The following TMEM132B variants were observed in gnomAD, a reference collection of about 807,000 sequenced individuals.
TMEM132B encodes the protein transmembrane protein 132B.
In TMEM132B, 18 loss-of-function variants were observed where a neutral mutation model predicts 90.8. That is an observed-to-expected ratio of 0.20 (90% CI 0.14 to 0.29). TMEM132B has a LOEUF of 0.29. Ranked by LOEUF, TMEM132B falls within the 10% of genes least tolerant of loss-of-function variation. The probability of loss-of-function intolerance (pLI) is 1.00; values close to 1 mark genes in which losing one functional copy is unlikely to be tolerated. For missense variants in TMEM132B, 1,096 were observed against 1,326.8 expected (o/e 0.83, Z 2.70); for synonymous variants, 504 against 523.3 (o/e 0.96, Z 0.50).
intron 2 of TMEM132B, among the ~76,000 whole-genome samples, chr12:125,356,483 G>A (rs1335599407): frequency 6.6e-6 from 1 of 152,174 alleles, no homozygotes; most frequent in Non-Finnish European, 1.5e-5. Context: ...AACCACGATT[G>A]ATTCTCCCTA....
At chr12:125,642,948 C>T (rs761130869) in intron 5 of TMEM132B, among the ~76,000 whole-genome samples, 132 of 151,588 alleles carry the variant, frequency 8.7e-4, no homozygotes, top group African/African-American at 3.0e-3. Flanking sequence ...TTTTTTTTGG[C>T]GGGGTGGGTG....
chr12:125,192,281 C>T (rs1872812350), intron 1 of TMEM132B, among the ~76,000 whole-genome samples: 1 of 152,154 alleles, frequency 6.6e-6, no homozygotes, highest in Non-Finnish European at 1.5e-5. Context: ...TGATGGGGTG[C>T]AAGTGTGAAC....
intron 2 of TMEM132B, among the ~76,000 whole-genome samples, chr12:125,360,886 T>C (rs1877936912): frequency 6.6e-6 from 1 of 152,000 alleles, no homozygotes; most frequent in Non-Finnish European, 1.5e-5. Flanking sequence ...GGGTGAAATC[T>C]CAACTCCCCT....
At position 125,490,999 on chromosome 12, in the gene TMEM132B, C is replaced by T. The variant is rs1339494419; in HGVS notation, c.1107-28440C>T. ...AAAGACTGAGGCCTCCTGACAATAG[C>T]CATATGGGTGTGCCATCTTGGAAGT... On this transcript the variant is annotated intron_variant, in intron 3 of 8. Transcript: ENST00000682704. The surrounding 1 kb of genome is among the most constrained non-coding windows in gnomAD (Gnocchi z 4.2). 1.3e-5 allele frequency among the ~76,000 whole-genome samples: 2 copies of T among 152,098 alleles called. No homozygotes were observed. Among genetic ancestry groups the T allele is most frequent in the East Asian group, 3.9e-4 (2 of 5,174 alleles).
At chr12:125,228,923 A>G (rs764761861) in intron 1 of TMEM132B, among the ~76,000 whole-genome samples, 1 of 152,140 alleles carries the variant, frequency 6.6e-6, no homozygotes, top group Non-Finnish European at 1.5e-5. Flanking sequence ...TCTCCCTAAG[A>G]GAGGAGTGTA....
chr12:125,541,143 C>T (rs942728631), intron 4 of TMEM132B, among the ~76,000 whole-genome samples: 17 of 152,234 alleles, frequency 1.1e-4, no homozygotes, highest in African/African-American at 3.9e-4. Context: ...ACGACCAACT[C>T]CTTTTATGCT....
At chr12:125,326,950 G>T (rs953965675) in intron 1 of TMEM132B, among the ~76,000 whole-genome samples, 1 of 151,826 alleles carries the variant, frequency 6.6e-6, no homozygotes, top group African/African-American at 2.4e-5. Flanking sequence ...AGAGGCACAG[G>T]GTCTCCCTGC....
intron 5 of TMEM132B, among the ~76,000 whole-genome samples, chr12:125,626,179 CCTT>C (rs1321785915): frequency 1.5e-4 from 11 of 72,932 alleles, no homozygotes; most frequent in Middle Eastern, 0.01. Context: ...CCAACTGACA[CCTT>C]CTTTTTTTCT....
intron 1 of TMEM132B, among the ~76,000 whole-genome samples, chr12:125,206,832 T>C (rs1315448290): frequency 6.6e-6 from 1 of 152,236 alleles, no homozygotes; most frequent in East Asian, 1.9e-4. Flanking sequence ...TGTGAGAAAC[T>C]TGAATTAGAA....
rs1216860997 is a variant in TMEM132B, at chr12:125,246,137, T to C, written c.67+59271T>C. ...TGCCTCTCCAGTGATCCAGTGATCC[T>C]GCTGGCTTTCCGCTTCATGACAGTG... On this transcript the variant is annotated intron_variant, in intron 1 of 8. Transcript: ENST00000682704. This position sits in a 1 kb window ranked among gnomAD's most constrained non-coding sequence, Gnocchi z 4.2. Among the ~76,000 whole-genome samples, 1 of 152,258 alleles carries C rather than the reference T, an allele frequency of 6.6e-6. No individual in the cohort carries two copies. Among genetic ancestry groups the C allele is most frequent in the Admixed American group, 6.5e-5 (1 of 15,284 alleles).
At chr12:125,388,563 C>T (rs764480172) in intron 2 of TMEM132B, among the ~76,000 whole-genome samples, 1 of 152,162 alleles carries the variant, frequency 6.6e-6, no homozygotes, top group Non-Finnish European at 1.5e-5. Context: ...AACAGTCTGT[C>T]CAGGAAATAC....
chr12:125,345,976 C>T (rs754378471), intron 1 of TMEM132B, among the ~76,000 whole-genome samples: 82 of 152,244 alleles, frequency 5.4e-4, no homozygotes, highest in Non-Finnish European at 1.0e-3. Context: ...GACACAGTCC[C>T]GTGGCTTCAT....
chr12:125,364,326 A>T (rs916635743), intron 2 of TMEM132B, among the ~76,000 whole-genome samples: 30 of 152,186 alleles, frequency 2.0e-4, no homozygotes, highest in African/African-American at 7.2e-4. Flanking sequence ...AATTTTAAAC[A>T]TGACAAAGTT....
chr12:125,205,469 G>A (rs1408606661), intron 1 of TMEM132B, among the ~76,000 whole-genome samples: 1 of 152,098 alleles, frequency 6.6e-6, no homozygotes, highest in South Asian at 2.1e-4. Context: ...CCTTTGTGTA[G>A]AGTATCTTGT....
intron 4 of TMEM132B, among the ~76,000 whole-genome samples, chr12:125,567,260 A>G (rs1435702810): frequency 1.3e-5 from 2 of 150,956 alleles, no homozygotes; most frequent in South Asian, 2.1e-4. Context: ...GTCTCACCCC[A>G]CCTGTCTTTC....
chr12:125,607,054 A>G (rs1236621181), intron 5 of TMEM132B, among the ~76,000 whole-genome samples: 1 of 152,138 alleles, frequency 6.6e-6, no homozygotes, highest in African/African-American at 2.4e-5. Context: ...GCAGAGGTTT[A>G]TTCCTAGTCT....
rs1217164414 is a variant in TMEM132B at position 125,498,738 on chromosome 12, T to A, written c.1107-20701T>A. On this transcript the variant is annotated intron_variant, in intron 3 of 8. Transcript: ENST00000682704. This position sits in a 1 kb window ranked among gnomAD's most constrained non-coding sequence, Gnocchi z 4.5. ...TTTACTTTGGGTTACTAGAGTCCCA[T>A]GGGGCTTGTTCTAATGTCCTTACAG... Among the ~76,000 whole-genome samples, 1 of 152,238 alleles carries A rather than the reference T, an allele frequency of 6.6e-6. No individual in the cohort carries two copies. Among genetic ancestry groups the A allele is most frequent in the African/African-American group, 2.4e-5 (1 of 41,462 alleles).
At position 125,652,683 on chromosome 12, in the gene TMEM132B, C is replaced by T. The variant is rs371110418; in HGVS notation, c.2106+51C>T. 853 of 1,558,710 alleles carry T rather than the reference C, an allele frequency of 5.5e-4. 2 individuals are homozygous for T. Among genetic ancestry groups the T allele is most frequent in the Admixed American group, 3.5e-3 (192 of 54,884 alleles). On this transcript the variant is annotated intron_variant, in intron 8 of 8. Coordinates refer to ENST00000682704, the MANE Select transcript of TMEM132B (RefSeq NM_001366854.1). ...CTTGGTCAGTGGGGATGACTTCTCT[C>T]TCAGTTAGCACATCCTGCGAAGGAG...
intron 1 of TMEM132B, among the ~76,000 whole-genome samples, chr12:125,279,455 G>A (rs1445269621): frequency 6.6e-6 from 1 of 152,180 alleles, no homozygotes; most frequent in African/African-American, 2.4e-5. Context: ...TGGAATATGG[G>A]TACATGCTAG....
Sources: gnomAD v4.1 joint callset for allele counts (sites outside exome capture counted in the v4.1 genomes callset) on GRCh38, gnomAD v4.1.1 for gene constraint, Gnocchi (gnomAD v3.1) non-coding constraint, MANE v1.5 for transcripts, NCBI Gene and HGNC (gene_info 2026-07-23, HGNC 2026-07-21) for gene names.